The following LRBA variants were observed in gnomAD, a reference collection of about 807,000 sequenced individuals.
LRBA encodes the protein lipopolysaccharide-responsive and beige-like anchor protein.
In LRBA, 176 loss-of-function variants were observed where a neutral mutation model predicts 330.0. The ratio of observed to expected loss-of-function variants is 0.53; its 90% CI spans 0.47 to 0.60. LRBA has a LOEUF of 0.60. LRBA is among the 20% of genes least tolerant of loss of function. LRBA has a pLI of 0.00. For missense variants in LRBA, 3,259 were observed against 3,444.8 expected, an observed-to-expected ratio of 0.95 and a Z score of 1.35; for synonymous variants, 1,230 against 1,193.0, an observed-to-expected ratio of 1.03 and a Z score of -0.64.
In LRBA at chr4:150,628,591, A is replaced by G. The variant is rs574271403; in HGVS notation, c.5922-29460T>C. The stretch of plus-strand genomic sequence containing the variant: ...CAACAGGACATGCAAAACACATATT[A>G]TTTCATACATCATTTTAAAGCAAGT... On this transcript the variant is annotated intron_variant, in intron 37 of 56. Coordinates refer to ENST00000651943, the MANE Select transcript of LRBA (RefSeq NM_001364905.1). Among the ~76,000 whole-genome samples the G allele has an allele frequency of 2.0e-5, 3 of 152,340 alleles. No individual in the cohort carries two copies. In the South Asian group the frequency reaches 6.2e-4, roughly 32 times the overall value.
chr4:150,296,615 G>A (rs1163980876), intron 53 of LRBA, among the ~76,000 whole-genome samples: 4 of 151,988 alleles, frequency 2.6e-5, no homozygotes, highest in African/African-American at 9.7e-5. Context: ...AATGAGCATA[G>A]CACATAAAAA....
At chr4:150,854,555 A>C (rs1579005014) in intron 22 of LRBA, among the ~76,000 whole-genome samples, 1 of 152,206 alleles carries the variant, frequency 6.6e-6, no homozygotes. Context: ...CGAATATGTA[A>C]GATAATGTCA....
At chr4:150,356,678 A>T (rs974322867) in intron 47 of LRBA, among the ~76,000 whole-genome samples, 17 of 151,480 alleles carry the variant, frequency 1.1e-4, no homozygotes, top group African/African-American at 2.9e-4. Context: ...ATCCTCATTT[A>T]AAAAAAATGC....
intron 47 of LRBA, among the ~76,000 whole-genome samples, chr4:150,354,383 A>C (rs150100857): frequency 1.6e-4 from 25 of 152,240 alleles, no homozygotes; most frequent in African/African-American, 5.8e-4. Context: ...CCTGGAGTTA[A>C]ATACGGTTTG....
intron 40 of LRBA, among the ~76,000 whole-genome samples, chr4:150,493,989 T>G (rs1280266380): frequency 1.3e-5 from 2 of 151,994 alleles, no homozygotes; most frequent in Non-Finnish European, 2.9e-5. Context: ...GAAGCTGAGA[T>G]GGGAACATCA....
At chr4:150,774,155 AT>A (rs1736953362) in intron 34 of LRBA, among the ~76,000 whole-genome samples, 1 of 152,220 alleles carries the variant, frequency 6.6e-6, no homozygotes, top group South Asian at 2.1e-4. Flanking sequence ...AATTAAAAAA[AT>A]AAATCAAAAC....
intron 40 of LRBA, among the ~76,000 whole-genome samples, chr4:150,575,322 C>T (rs974054703): frequency 4.6e-5 from 7 of 151,962 alleles, no homozygotes; most frequent in African/African-American, 1.7e-4. Context: ...CCTCTCTGCA[C>T]ATCACTTTTA....
At chr4:150,501,756 T>G (rs1760307973) in intron 40 of LRBA, among the ~76,000 whole-genome samples, 1 of 152,170 alleles carries the variant, frequency 6.6e-6, no homozygotes, top group South Asian at 2.1e-4. Context: ...CCACTTTTGA[T>G]GAAGATGGAG....
At chr4:150,708,217 T>A (rs966915171) in intron 36 of LRBA, among the ~76,000 whole-genome samples, 1 of 151,790 alleles carries the variant, frequency 6.6e-6, no homozygotes, top group Non-Finnish European at 1.5e-5. Context: ...CTCTGTCAGC[T>A]CCTGCTACAA....
intron 44 of LRBA, among the ~76,000 whole-genome samples, chr4:150,452,638 AAAG>A (rs1475043675): frequency 3.2e-4 from 49 of 151,820 alleles, no homozygotes; most frequent in Non-Finnish European, 5.7e-4. Flanking sequence ...AAAAAAAAAA[AAAG>A]AAGGGAACTT....
chr4:150,302,754 C>T lies in LRBA; in HGVS notation c.7888G>A (p.Val2630Ile), dbSNP rs564067785. 5.7e-5 allele frequency: 92 copies of T among 1,609,322 alleles called. 1 individual carries two copies. The East Asian group carries it at 6.9e-4, about 12-fold the overall frequency. Residue 2630 changes from valine (V) to isoleucine (I), a missense_variant, in exon 53 of 57, where the codon GTC (valine) becomes ATC (isoleucine). Transcript: ENST00000651943. ...GACTCAGAACGAGCAAGGCAAGTGA[C>T]GACATCCCAATGGCCAAACACCACT... Reference protein sequence around the residue: ...IQVVFGHWDVVTCLARSESYI... With the variant: ...IQVVFGHWDVITCLARSESYI...
chr4:150,660,932 G>T (rs1406956506), intron 37 of LRBA, among the ~76,000 whole-genome samples: 2 of 117,084 alleles, frequency 1.7e-5, no homozygotes, highest in African/African-American at 6.7e-5. Context: ...CAAACACTGC[G>T]GAAGGCCGCA....
intron 40 of LRBA, among the ~76,000 whole-genome samples, chr4:150,538,723 G>A (rs1215848938): frequency 6.6e-6 from 1 of 151,816 alleles, no homozygotes; most frequent in East Asian, 1.9e-4. Context: ...CACTTTGGGA[G>A]GCTGAGGCAG....
intron 55 of LRBA, 87 bp from the exon 56 acceptor site, chr4:150,278,091 T>C: frequency 1.8e-6 from 2 of 1,141,342 alleles, no homozygotes; most frequent in South Asian, 1.4e-5. Flanking sequence ...TTACACCAGC[T>C]ACTACGGTGC....
chr4:150,324,737 A>G (rs1000756339), intron 49 of LRBA, among the ~76,000 whole-genome samples: 1 of 152,130 alleles, frequency 6.6e-6, no homozygotes, highest in Non-Finnish European at 1.5e-5. Flanking sequence ...ATGGAATTTG[A>G]CTTTATATAA....
At chr4:150,499,473 T>C (rs1408367125) in intron 40 of LRBA, among the ~76,000 whole-genome samples, 2 of 151,974 alleles carry the variant, frequency 1.3e-5, no homozygotes, top group African/African-American at 4.8e-5. Flanking sequence ...CAAGATCCCA[T>C]CTCTACAAAA....
chr4:150,325,368 C>T (rs1733107634), intron 49 of LRBA, among the ~76,000 whole-genome samples: 2 of 152,122 alleles, frequency 1.3e-5, no homozygotes, highest in South Asian at 4.2e-4. Context: ...TCACTGTGGT[C>T]CCTGACCTTC....
At chr4:150,509,197 T>C (rs1761530055) in intron 40 of LRBA, among the ~76,000 whole-genome samples, 1 of 152,052 alleles carries the variant, frequency 6.6e-6, no homozygotes, top group South Asian at 2.1e-4. Flanking sequence ...CATCACACAG[T>C]ACCCTATATA....
chr4:150,636,338 A>C (rs1036196155), intron 37 of LRBA, among the ~76,000 whole-genome samples: 1 of 152,046 alleles, frequency 6.6e-6, no homozygotes, highest in African/African-American at 2.4e-5. Flanking sequence ...ATTTATTGCT[A>C]TCTATTAGAT....
Sources: gnomAD v4.1 joint callset for allele counts (sites outside exome capture counted in the v4.1 genomes callset) on GRCh38, gnomAD v4.1.1 for gene constraint, MANE v1.5 for transcripts, NCBI Gene and HGNC (gene_info 2026-07-23, HGNC 2026-07-21) for gene names.